The following AGMO variants were observed in gnomAD, a reference collection of about 807,000 sequenced individuals.
AGMO encodes the protein alkylglycerol monooxygenase, also known as glyceryl-ether monooxygenase.
A neutral mutation model predicts 60.2 loss-of-function variants in AGMO; 75 were observed. That is an observed-to-expected ratio of 1.25 (90% confidence interval 1.03 to 1.51). The LOEUF (loss-of-function observed/expected upper bound fraction) is 1.51, where lower values mean the gene tolerates loss of function less well. Among genes scored for constraint, AGMO ranks in the 40% most tolerant of loss-of-function variants. The pLI, the probability that AGMO is intolerant of heterozygous loss-of-function variation, is 0.00. For synonymous variants in AGMO, 261 were observed against 177.1 expected, an observed-to-expected ratio of 1.47 and a Z score of -3.76; for missense variants, 763 against 525.5, an observed-to-expected ratio of 1.45 and a Z score of -4.42.
intron 3 of AGMO, among the ~76,000 whole-genome samples, chr7:15,480,632 T>G (rs1782723421): frequency 6.6e-6 from 1 of 152,200 alleles, no homozygotes; most frequent in South Asian, 2.1e-4. Flanking sequence ...AGCTGAACTA[T>G]TTTGCTTTAA....
rs149222773 is a variant in AGMO, at chr7:15,433,746, C to A, written c.410-2638G>T. On this transcript the variant is annotated intron_variant, in intron 3 of 12. Transcript: ENST00000342526. ...TCTGTTCAATAACATTTTTCTTTTT[C>A]TATACGAAAATTATAGATTATATTA... Among the ~76,000 whole-genome samples the A allele has an allele frequency of 5.1e-3, 742 of 146,926 alleles. 22 individuals are homozygous for A. The East Asian group carries it at 0.056, about 11-fold the overall frequency.
chr7:15,240,598 C>G (rs1440082561), intron 12 of AGMO, among the ~76,000 whole-genome samples: 1 of 152,130 alleles, frequency 6.6e-6, no homozygotes, highest in Non-Finnish European at 1.5e-5. Context: ...AAAGCAAAAT[C>G]AACCTGAGAA....
At chr7:15,220,842 T>A (rs1583302543) in intron 12 of AGMO, among the ~76,000 whole-genome samples, 1 of 152,100 alleles carries the variant, frequency 6.6e-6, no homozygotes, top group Non-Finnish European at 1.5e-5. Context: ...CCCCTGAAAT[T>A]AATCTAATTA....
At chr7:15,335,433 C>T (rs909476034) in intron 12 of AGMO, among the ~76,000 whole-genome samples, 1 of 152,104 alleles carries the variant, frequency 6.6e-6, no homozygotes, top group African/African-American at 2.4e-5. Flanking sequence ...TAGTGGTATG[C>T]AAAGCAATTA....
intron 3 of AGMO, among the ~76,000 whole-genome samples, chr7:15,471,119 A>T (rs1345590657): frequency 6.6e-6 from 1 of 151,986 alleles, no homozygotes; most frequent in African/African-American, 2.4e-5. Flanking sequence ...AACAGCATGA[A>T]CATAAATCAG....
chr7:15,179,484 A>G, the AGMO span, among the ~76,000 whole-genome samples: 1 of 152,188 alleles, frequency 6.6e-6, no homozygotes, highest in African/African-American at 2.4e-5. Flanking sequence ...ACGGAAAGCA[A>G]TATTAAGTCT....
At chr7:15,251,198 T>C (rs1021845965) in intron 12 of AGMO, among the ~76,000 whole-genome samples, 2 of 152,092 alleles carry the variant, frequency 1.3e-5, no homozygotes, top group African/African-American at 4.8e-5. Flanking sequence ...TTCATGGCCC[T>C]GTTTCTTTGT....
rs1486332184 is a variant in AGMO, at chr7:15,354,425, CACACGTGT to C, written c.1263+11081_1263+11088del. Among the ~76,000 whole-genome samples, 10 of 23,196 alleles carry C rather than the reference CACACGTGT, an allele frequency of 4.3e-4. 1 individual carries two copies. The highest frequency in any genetic ancestry group is 3.7e-3 in the African/African-American group (10 of 2,706). 15.2% of individuals were successfully genotyped at this position (23,196 alleles called of 152,430 possible). On this transcript the variant is annotated intron_variant, in intron 12 of 12. Coordinates refer to ENST00000342526, the MANE Select transcript of AGMO (RefSeq NM_001004320.2). ...GTGTGTACACACGTGTGTGTATACA[CACACGTGT>C]GTGTATACACACGTGTGTGTATACA...
At chr7:15,255,547 A>AAAG (rs1783070067) in intron 12 of AGMO, among the ~76,000 whole-genome samples, 1 of 150,448 alleles carries the variant, frequency 6.6e-6, no homozygotes, top group African/African-American at 2.4e-5. Flanking sequence ...AAAAAAAAAA[A>AAAG]AAAGAAAGAA....
At chr7:15,522,710 G>C (rs1168007125) in intron 3 of AGMO, among the ~76,000 whole-genome samples, 1 of 152,068 alleles carries the variant, frequency 6.6e-6, no homozygotes, top group East Asian at 1.9e-4. Flanking sequence ...ATTTATTAAA[G>C]ATTTAAACAT....
At position 15,365,395 on chromosome 7, in the gene AGMO, A is replaced by G. The variant is rs1019582366; in HGVS notation, c.1263+119T>C. 1.3e-5 allele frequency: 6 copies of G among 477,680 alleles called. No individual in the cohort carries two copies. In the East Asian group the frequency reaches 1.8e-4, roughly 15 times the overall value. The allele number at this position is 477,680 out of a possible 1,614,324, so 29.6% of individuals were successfully genotyped here. A position where few individuals can be genotyped will look rare whatever the true frequency, so the allele number is the denominator to read the frequency against. ...TACTGGTAAGTAAAAAAAAAAAAAA[A>G]GATCAAGATTTCCCACATGTACTGG... On this transcript the variant is annotated intron_variant, in intron 12 of 12. Coordinates refer to ENST00000342526, the MANE Select transcript of AGMO (RefSeq NM_001004320.2).
intron 3 of AGMO, among the ~76,000 whole-genome samples, chr7:15,465,397 G>A (rs900596681): frequency 1.3e-5 from 2 of 149,720 alleles, no homozygotes; most frequent in African/African-American, 4.9e-5. Context: ...GAGACAAGAT[G>A]ACTTGGAAAA....
intron 12 of AGMO, among the ~76,000 whole-genome samples, chr7:15,324,567 C>A (rs1211726192): frequency 6.6e-6 from 1 of 152,130 alleles, no homozygotes; most frequent in South Asian, 2.1e-4. Flanking sequence ...TCTTCTCCCC[C>A]TCATCTCCCT....
intron 12 of AGMO, among the ~76,000 whole-genome samples, chr7:15,231,973 G>A (rs1782274665): frequency 6.6e-6 from 1 of 152,104 alleles, no homozygotes; most frequent in African/African-American, 2.4e-5. Flanking sequence ...AAAACAAAAT[G>A]CTCTTAAAAT....
chr7:15,441,670 G>A (rs1298830128), intron 3 of AGMO, among the ~76,000 whole-genome samples: 2 of 152,136 alleles, frequency 1.3e-5, no homozygotes, highest in Non-Finnish European at 2.9e-5. Context: ...CAGCACGTTT[G>A]CCTGCGGTAA....
chr7:15,266,005 T>C (rs1000742173), intron 12 of AGMO, among the ~76,000 whole-genome samples: 2 of 152,214 alleles, frequency 1.3e-5, no homozygotes, highest in East Asian at 3.9e-4. Context: ...TTGGTGACAT[T>C]ATGCTAAGTG....
chr7:15,354,241 T>G (rs1284200567), intron 12 of AGMO, among the ~76,000 whole-genome samples: 1 of 149,772 alleles, frequency 6.7e-6, no homozygotes, highest in Non-Finnish European at 1.5e-5. Flanking sequence ...TATGTACCAT[T>G]ACAGAACAGT....
At chr7:15,284,940 A>T (rs1330760081) in intron 12 of AGMO, among the ~76,000 whole-genome samples, 1 of 152,162 alleles carries the variant, frequency 6.6e-6, no homozygotes, top group Admixed American at 6.5e-5. Flanking sequence ...AAGTCAAAAA[A>T]TGTGATAAAT....
intron 12 of AGMO, among the ~76,000 whole-genome samples, chr7:15,341,156 C>T (rs889547709): frequency 6.6e-5 from 10 of 152,064 alleles, no homozygotes; most frequent in African/African-American, 2.4e-4. Flanking sequence ...ACATTTGGCT[C>T]CTTGTTACTT....
Sources: allele counts gnomAD v4.1 joint callset (sites outside exome capture counted in the v4.1 genomes callset), GRCh38; gene constraint gnomAD v4.1.1; transcripts MANE v1.5; gene names NCBI Gene and HGNC (gene_info 2026-07-23, HGNC 2026-07-21).